LRRC7: variants seen among roughly 807,000 people sequenced by gnomAD.
The protein encoded by LRRC7 is leucine rich repeat containing 7, also known as leucine-rich repeat-containing protein 7.
A neutral mutation model predicts 175.7 loss-of-function variants in LRRC7; 23 were observed. The ratio of observed to expected loss-of-function variants is 0.13; its 90% CI spans 0.09 to 0.19. LRRC7 has a LOEUF of 0.19. LRRC7 is among the 10% of genes least tolerant of loss of function. The pLI is 1.00. For synonymous variants in LRRC7, 685 were observed against 680.9 expected (o/e 1.01, Z -0.09); for missense variants, 1,354 against 1,904.7 (o/e 0.71, Z 5.38).
chr1:69,636,391 C>G (rs1653362662), intron 1 of LRRC7, among the ~76,000 whole-genome samples: 2 of 149,710 alleles, frequency 1.3e-5, no homozygotes, highest in South Asian at 4.3e-4. Flanking sequence ...TCTACTATCA[C>G]TACAAATCCA....
At chr1:69,861,540 C>T (rs1387605479) in intron 7 of LRRC7, among the ~76,000 whole-genome samples, 2 of 152,118 alleles carry the variant, frequency 1.3e-5, no homozygotes, top group African/African-American at 2.4e-5. Flanking sequence ...CAAGTCCAGC[C>T]TACAGAGACA....
chr1:69,684,751 A>C (rs900861640), intron 2 of LRRC7, among the ~76,000 whole-genome samples: 3 of 152,186 alleles, frequency 2.0e-5, no homozygotes, highest in Non-Finnish European at 4.4e-5. Context: ...AAAGAAGGAA[A>C]AAAAAAGCAA....
chr1:70,143,264 A>C lies in LRRC7; in HGVS notation c.*21377A>C, dbSNP rs919571245. On this transcript the variant is annotated 3_prime_UTR_variant, in exon 27 of 27. Transcript: ENST00000651989. ...ATGTGCAGCACAACAGTGACATCTT[A>C]AGGCCAAGTAACCAGAGCTCCTTTA... 1 of 151,812 alleles carries C rather than the reference A, an allele frequency of 6.6e-6. No homozygotes were observed. Among genetic ancestry groups the C allele is most frequent in the Non-Finnish European group, 1.5e-5 (1 of 67,958 alleles). 9.4% of individuals were successfully genotyped at this position (151,812 alleles called of 1,614,324 possible).
At chr1:69,796,119 TC>T (rs1675729377) in intron 4 of LRRC7, among the ~76,000 whole-genome samples, 1 of 33,560 alleles carries the variant, frequency 3.0e-5, no homozygotes, top group Non-Finnish European at 5.4e-5. Context: ...CCCTCCCCCC[TC>T]CCCCCACCCC....
At chr1:69,951,360 C>G (rs1485967165) in intron 8 of LRRC7, among the ~76,000 whole-genome samples, 1 of 151,950 alleles carries the variant, frequency 6.6e-6, no homozygotes, top group Non-Finnish European at 1.5e-5. Context: ...TTAGTTCAAC[C>G]ACTGTGGAAA....
intron 4 of LRRC7, among the ~76,000 whole-genome samples, chr1:69,825,223 A>G (rs1435552551): frequency 6.6e-6 from 1 of 152,180 alleles, no homozygotes; most frequent in African/African-American, 2.4e-5. Context: ...AACAAAAAAG[A>G]ATTGTATAAA....
At position 70,138,675 on chromosome 1, in the gene LRRC7, T is replaced by C. The variant is rs976722168; in HGVS notation, c.*16788T>C. 2.0e-5 allele frequency: 3 copies of C among 152,210 alleles called. No homozygotes were observed. Among genetic ancestry groups the C allele is most frequent in the Admixed American group, 6.5e-5 (1 of 15,272 alleles). 9.4% of individuals were successfully genotyped at this position (152,210 alleles called of 1,614,324 possible). On this transcript the variant is annotated 3_prime_UTR_variant, in exon 27 of 27. Transcript: ENST00000651989. The stretch of plus-strand genomic sequence containing the variant: ...ATACCCTATGAGATTTTTTAAACTA[T>C]TTTAGATTCTTACCAGAAGAATGCA...
chr1:69,887,433 T>C (rs1283540605), intron 7 of LRRC7, among the ~76,000 whole-genome samples: 4 of 143,738 alleles, frequency 2.8e-5, no homozygotes, highest in South Asian at 2.3e-4. Context: ...TTCTGCATTC[T>C]TCACGTAGTT....
intron 3 of LRRC7, among the ~76,000 whole-genome samples, chr1:69,787,120 T>C (rs1475789272): frequency 1.3e-5 from 2 of 152,212 alleles, no homozygotes; most frequent in Non-Finnish European, 1.5e-5. Flanking sequence ...AAGTCCAAAA[T>C]CTTAAAGCTC....
At chr1:69,721,992 T>C (rs1666407351) in intron 2 of LRRC7, among the ~76,000 whole-genome samples, 1 of 151,900 alleles carries the variant, frequency 6.6e-6, no homozygotes, top group Non-Finnish European at 1.5e-5. Flanking sequence ...GATTCAAAAA[T>C]CAAAAGCTTC....
At position 70,135,360 on chromosome 1, in the gene LRRC7, A is replaced by G. The variant is rs1201491192; in HGVS notation, c.*13473A>G. On this transcript the variant is annotated 3_prime_UTR_variant, in exon 27 of 27. Transcript: ENST00000651989. The stretch of plus-strand genomic sequence containing the variant: ...CCATCTCCGTGCCATACTGTAGAAC[A>G]AACATCATTTTTTTAGTTCTGTCAT... 6.6e-6 allele frequency among the ~76,000 whole-genome samples: 1 copy of G among 152,170 alleles called. No individual in the cohort carries two copies. The highest frequency in any genetic ancestry group is 1.5e-5 in the Non-Finnish European group (1 of 68,016).
intron 8 of LRRC7, among the ~76,000 whole-genome samples, chr1:69,967,323 C>T (rs1651764523): frequency 6.6e-6 from 1 of 152,098 alleles, no homozygotes; most frequent in Non-Finnish European, 1.5e-5. Flanking sequence ...TGAGGTCAGA[C>T]ATGCCTAGCC....
chr1:69,696,818 G>A (rs969135644), intron 2 of LRRC7, among the ~76,000 whole-genome samples: 6 of 152,164 alleles, frequency 3.9e-5, no homozygotes, highest in African/African-American at 1.4e-4. Context: ...CTTCTGCCAT[G>A]AATTTATAAG....
At chr1:70,049,129 A>G (rs892712431) in intron 22 of LRRC7, among the ~76,000 whole-genome samples, 5 of 152,126 alleles carry the variant, frequency 3.3e-5, no homozygotes, top group Non-Finnish European at 7.4e-5. Context: ...AGGGAAGGCT[A>G]AAATAGTAGA....
At chr1:69,871,201 T>C (rs915407553) in intron 7 of LRRC7, among the ~76,000 whole-genome samples, 1 of 152,100 alleles carries the variant, frequency 6.6e-6, no homozygotes, top group African/African-American at 2.4e-5. Context: ...ACGTATGCCC[T>C]ATCTTCAAAG....
intron 3 of LRRC7, among the ~76,000 whole-genome samples, chr1:69,765,061 C>T: frequency 6.6e-6 from 1 of 152,042 alleles, no homozygotes; most frequent in Admixed American, 6.6e-5. Flanking sequence ...TGATAGGGTT[C>T]TGACCCTACA....
chr1:69,778,915 TACACAC>T (rs148540965), intron 3 of LRRC7, among the ~76,000 whole-genome samples: 2 of 146,270 alleles, frequency 1.4e-5, no homozygotes, highest in African/African-American at 5.1e-5. Flanking sequence ...TACACACACA[TACACAC>T]ACACACTCAT....
chr1:69,586,844 AG>A (rs1646422973), intron 1 of LRRC7, among the ~76,000 whole-genome samples: 1 of 143,734 alleles, frequency 7.0e-6, no homozygotes, highest in African/African-American at 2.4e-5. Flanking sequence ...TCAAAAGCTG[AG>A]ATTCTAAGAA....
At chr1:69,847,429 C>A (rs960429074) in intron 7 of LRRC7, among the ~76,000 whole-genome samples, 4 of 152,040 alleles carry the variant, frequency 2.6e-5, no homozygotes, top group African/African-American at 9.7e-5. Flanking sequence ...GAACTTTTTA[C>A]CTGAATTCCA....
Sources: allele counts gnomAD v4.1 joint callset (sites outside exome capture counted in the v4.1 genomes callset), GRCh38; gene constraint gnomAD v4.1.1; transcripts MANE v1.5; gene names NCBI Gene and HGNC (gene_info 2026-07-23, HGNC 2026-07-21).